ETNK2: variants seen among roughly 807,000 people sequenced by gnomAD.
The protein encoded by ETNK2 is ethanolamine kinase 2.
ETNK2 carries 33 observed loss-of-function variants against 46.2 expected under a neutral mutation model. That is an observed-to-expected ratio of 0.71 (90% CI 0.54 to 0.96). The LOEUF is 0.96. ETNK2 is among the 40% of genes least tolerant of loss of function. ETNK2 has a pLI of 0.00. For synonymous variants in ETNK2, 194 were observed against 209.0 expected (o/e 0.93, Z 0.62); for missense variants, 445 against 509.7 (o/e 0.87, Z 1.22).
intron 2 of ETNK2, chr1:204,147,533 C>G (rs943273465): frequency 1.9e-6 from 1 of 533,312 alleles, no homozygotes; most frequent in African/African-American, 1.9e-5. Context: ...CCTCCCAGTC[C>G]TCTTCCAGTC....
intron 2 of ETNK2, chr1:204,147,127 G>T: frequency 2.5e-6 from 1 of 400,544 alleles, no homozygotes; most frequent in Non-Finnish European, 4.9e-6. Flanking sequence ...TGGGGGCGGG[G>T]CTGGCCCTCC....
rs1657316871 is a variant in ETNK2, at chr1:204,137,147, C to T, written c.971G>A (p.Arg324Lys). 1 of 1,613,986 alleles carries T rather than the reference C, an allele frequency of 6.2e-7. No homozygotes were observed. Residue 324 changes from arginine to lysine, a missense_variant, in exon 6 of 8, where the codon AGG (arginine) becomes AAG (lysine). By Grantham distance (26) the Arg-to-Lys change is conservative (BLOSUM62 2). Transcript: ENST00000367202. ...TTGCACGTAGAGCCTTTGCACCTCC[C>T]TGGGGGTCACGGCCATCCCCTTTTG... ...QAQKGMAVTP[R>K]EVQRLYVQVN...
chr1:204,139,211 C>T (rs1281564229), intron 5 of ETNK2, among the ~76,000 whole-genome samples: 1 of 152,178 alleles, frequency 6.6e-6, no homozygotes, highest in African/African-American at 2.4e-5. Flanking sequence ...CATCAGGCCA[C>T]CAGGCAAACA....
In ETNK2 at chr1:204,151,907, G is replaced by C; in HGVS notation, c.-55C>G. ...GGCAGACGCTAGCCCCGGCGGGGGG[G>C]TCCGGCGAGGGAGTGGGAGTGGTAG... is the stretch of plus-strand genomic sequence containing the variant. On this transcript the variant is annotated 5_prime_UTR_variant, in exon 1 of 8. Coordinates refer to ENST00000367202, the MANE Select transcript of ETNK2 (RefSeq NM_018208.4). The surrounding 1 kb of genome is among the most constrained non-coding windows in gnomAD (Gnocchi z 8.0). 7.1e-7 allele frequency: 1 copy of C among 1,403,782 alleles called. No individual in the cohort carries two copies. The allele number at this position is 1,403,782 out of a possible 1,614,324, so 87.0% of individuals were successfully genotyped here.
intron 3 of ETNK2, among the ~76,000 whole-genome samples, chr1:204,145,833 T>C (rs1204867418): frequency 1.3e-5 from 2 of 152,170 alleles, no homozygotes; most frequent in Non-Finnish European, 2.9e-5. Flanking sequence ...ACTATTGCCT[T>C]TTTTTGGAGG....
At chr1:204,139,957 G>A in intron 5 of ETNK2, 78 bp downstream of exon 5, 1 of 1,155,612 alleles carries the variant, frequency 8.7e-7, no homozygotes, top group Non-Finnish European at 1.3e-6. Flanking sequence ...TAATCTCATA[G>A]GACCACCATC....
chr1:204,150,396 G>C (rs1466983855), intron 1 of ETNK2: 2 of 226,892 alleles, frequency 8.8e-6, no homozygotes, highest in Non-Finnish European at 1.8e-5. Context: ...CTTGTGCCGG[G>C]CAGTGTGCTC....
intron 7 of ETNK2, among the ~76,000 whole-genome samples, chr1:204,134,305 G>A (rs933582717): frequency 6.6e-5 from 10 of 152,216 alleles, no homozygotes; most frequent in African/African-American, 2.4e-4. Flanking sequence ...CGAGGAACAG[G>A]GAGGATATGA....
rs146584841 is a variant in ETNK2 at position 204,147,256 on chromosome 1, C to T, written c.519-492G>A. Among the ~76,000 whole-genome samples, 979 of 152,288 alleles carry T rather than the reference C, an allele frequency of 6.4e-3. 8 individuals carry two copies. The highest frequency in any genetic ancestry group is 0.022 in the African/African-American group (933 of 41,556). On this transcript the variant is annotated intron_variant, in intron 2 of 7. Coordinates refer to ENST00000367202, the MANE Select transcript of ETNK2 (RefSeq NM_018208.4). ...AATGCCCGCCTCTTATCAGCCTGGC[C>T]AAGGTGGGGAGGGAAACAGGCTGGC...
At chr1:204,133,079 G>A (rs1657134873) in intron 7 of ETNK2, among the ~76,000 whole-genome samples, 1 of 152,078 alleles carries the variant, frequency 6.6e-6, no homozygotes, top group Non-Finnish European at 1.5e-5. Context: ...TGTAGCAAGT[G>A]ACATTTCCTT....
chr1:204,142,186 C>T (rs933750502), intron 3 of ETNK2: 1 of 152,280 alleles, frequency 6.6e-6, no homozygotes, highest in Non-Finnish European at 1.5e-5. Flanking sequence ...GTCAAAGGAA[C>T]ATTAAAGCCT....
At chr1:204,138,387 A>G (rs1014767527) in intron 5 of ETNK2, among the ~76,000 whole-genome samples, 1 of 152,106 alleles carries the variant, frequency 6.6e-6, no homozygotes, top group African/African-American at 2.4e-5. Flanking sequence ...TTCCAGTTGG[A>G]TTTTGCTCTG....
chr1:204,141,262 G>C (rs766171096), intron 4 of ETNK2, 53 bp downstream of exon 4: 14 of 1,612,704 alleles, frequency 8.7e-6, no homozygotes, highest in Admixed American at 8.3e-5. Context: ...CGTGAAGCCA[G>C]CTAACCAACC....
intron 5 of ETNK2, among the ~76,000 whole-genome samples, chr1:204,137,604 TA>T (rs1657341585): frequency 6.6e-6 from 1 of 152,146 alleles, no homozygotes; most frequent in South Asian, 2.1e-4. Context: ...GGCCCTCAGT[TA>T]AAAGCACTGG....
chr1:204,136,682 T>C (rs2102283010), intron 6 of ETNK2, among the ~76,000 whole-genome samples: 1 of 144,270 alleles, frequency 6.9e-6, no homozygotes, highest in Admixed American at 7.1e-5. Context: ...CATTGCACTC[T>C]AGCCTGGGCA....
chr1:204,136,182 G>T (rs1336973285), intron 6 of ETNK2, among the ~76,000 whole-genome samples: 1 of 152,060 alleles, frequency 6.6e-6, no homozygotes, highest in African/African-American at 2.4e-5. Context: ...GATCATTTGA[G>T]GCCAGGAGTT....
At chr1:204,149,999 TG>T in intron 1 of ETNK2, 37 bp from the exon 2 acceptor site, 1 of 59,722 alleles carries the variant, frequency 1.7e-5, no homozygotes, top group Non-Finnish European at 3.0e-5. Context: ...GGTGGGTGGG[TG>T]GGGCAGGATC....
In ETNK2 at chr1:204,140,118, C is replaced by T; in HGVS notation, c.785G>A (p.Gly262Asp). 1.9e-6 allele frequency: 3 copies of T among 1,613,302 alleles called. No individual in the cohort carries two copies. The highest frequency in any genetic ancestry group is 1.1e-5 in the South Asian group (1 of 91,064). ...TTCATAGTCAATGAACCGCACGTGA[C>T]CTATGAAGTAGAGGAGAATCGATGA... is the stretch of plus-strand genomic sequence containing the variant. ...CKNIIYDSIK[G>D]HVRFIDYEYA... Residue 262 changes from glycine (G) to aspartate (D), a missense_variant and splice_region_variant, in exon 5 of 8, where the codon GGT becomes GAT. Physicochemically the swap from Gly to Asp is moderately conservative, Grantham distance 94. Coordinates refer to ENST00000367202, the MANE Select transcript of ETNK2 (RefSeq NM_018208.4).
Position 204,151,530 on chromosome 1 carries a change from G to A in ETNK2, c.258+65C>T. The A allele has an allele frequency of 6.5e-7, 1 of 1,534,534 alleles. No homozygotes were observed. The highest frequency in any genetic ancestry group is 8.8e-7 in the Non-Finnish European group (1 of 1,137,846). On this transcript the variant is annotated intron_variant, in intron 1 of 7. Transcript: ENST00000367202. This position sits in a 1 kb window ranked among gnomAD's most constrained non-coding sequence, Gnocchi z 8.0. ...GACACCCGGAAGGATGCGAGGACTG[G>A]GTCCCCGCATCCCCCTGGCAGCCCT... is the stretch of plus-strand genomic sequence containing the variant.
Sources: allele counts gnomAD v4.1 joint callset (sites outside exome capture counted in the v4.1 genomes callset), GRCh38; gene constraint gnomAD v4.1.1; non-coding constraint Gnocchi (gnomAD v3.1); transcripts MANE v1.5; gene names NCBI Gene and HGNC (gene_info 2026-07-23, HGNC 2026-07-21).